RPS6KA5: variants seen among roughly 807,000 people sequenced by gnomAD.
The protein encoded by RPS6KA5 is ribosomal protein S6 kinase A5.
RPS6KA5 carries 27 observed loss-of-function variants against 85.5 expected under a neutral mutation model. That is an observed-to-expected ratio of 0.32 (90% CI 0.23 to 0.44). The LOEUF (loss-of-function observed/expected upper bound fraction) is 0.44, where lower values mean the gene tolerates loss of function less well. Among genes scored for constraint, RPS6KA5 ranks in the 20% least tolerant of loss-of-function variants. RPS6KA5 has a pLI of 1.00. For missense variants in RPS6KA5, 811 were observed against 980.9 expected (o/e 0.83, Z 2.31); for synonymous variants, 334 against 348.2 (o/e 0.96, Z 0.46).
At chr14:90,887,926 C>T (rs898152830) in intron 14 of RPS6KA5, among the ~76,000 whole-genome samples, 6 of 111,022 alleles carry the variant, frequency 5.4e-5, no homozygotes, top group Admixed American at 1.4e-4. Flanking sequence ...CAAGCCTGGG[C>T]GACAGAGGGA....
chr14:90,928,765 A>G (rs2036816628), intron 5 of RPS6KA5, among the ~76,000 whole-genome samples: 1 of 151,144 alleles, frequency 6.6e-6, no homozygotes, highest in African/African-American at 2.4e-5. Context: ...GGAAAAAAAC[A>G]CACTCTGGCA....
intron 14 of RPS6KA5, among the ~76,000 whole-genome samples, chr14:90,877,164 T>C (rs186977334): frequency 1.3e-5 from 2 of 152,248 alleles, no homozygotes; most frequent in East Asian, 3.9e-4. Context: ...TTTTCTGAAA[T>C]AGAAAATTGT....
At chr14:90,916,966 A>G (rs2036151774) in intron 7 of RPS6KA5, among the ~76,000 whole-genome samples, 1 of 152,174 alleles carries the variant, frequency 6.6e-6, no homozygotes, top group Non-Finnish European at 1.5e-5. Context: ...ACTCAGACCT[A>G]CAGTGGAAAG....
At chr14:90,900,086 A>G (rs780633448) in intron 11 of RPS6KA5, 22 bp downstream of exon 11, 1 of 1,554,734 alleles carries the variant, frequency 6.4e-7, no homozygotes. Context: ...AAGAAAGAAT[A>G]TTATATTAAA....
intron 1 of RPS6KA5, among the ~76,000 whole-genome samples, chr14:91,020,572 G>GTGTGTC: frequency 7.2e-6 from 1 of 138,594 alleles, no homozygotes; most frequent in Non-Finnish European, 1.6e-5. Flanking sequence ...GTGTGTGTGT[G>GTGTGTC]TGTGTGTGTG....
In RPS6KA5 at chr14:90,910,746, C is replaced by T. The variant is rs893631181; in HGVS notation, c.807-4447G>A. On this transcript the variant is annotated intron_variant, in intron 7 of 16. Transcript: ENST00000614987. ...TGTCGACCAGGCTGGAGTGCAATGG[C>T]GCGATCTCAGCTCACTGCAAGCTCC... 6.0e-5 allele frequency among the ~76,000 whole-genome samples: 9 copies of T among 150,972 alleles called. No individual in the cohort carries two copies. The South Asian group carries it at 6.3e-4, about 11-fold the overall frequency.
intron 3 of RPS6KA5, 82 bp from the exon 4 acceptor site, chr14:90,947,632 A>G: frequency 1.3e-6 from 1 of 765,084 alleles, no homozygotes; most frequent in Non-Finnish European, 2.2e-6. Context: ...CTTTGGATTC[A>G]CCATAAGGCA....
At chr14:90,880,267 AAAT>A (rs547958379) in intron 14 of RPS6KA5, among the ~76,000 whole-genome samples, 2 of 152,156 alleles carry the variant, frequency 1.3e-5, no homozygotes, top group African/African-American at 2.4e-5. Context: ...TATACCCATT[AAAT>A]AATAACTCCC....
At chr14:90,943,879 G>T (rs2037726238) in intron 4 of RPS6KA5, among the ~76,000 whole-genome samples, 1 of 152,020 alleles carries the variant, frequency 6.6e-6, no homozygotes, top group South Asian at 2.1e-4. Context: ...TTGAGATAGG[G>T]TCTCACTCTG....
chr14:90,887,187 CT>C (rs1311066838), intron 14 of RPS6KA5, among the ~76,000 whole-genome samples: 1 of 151,936 alleles, frequency 6.6e-6, no homozygotes, highest in African/African-American at 2.4e-5. Flanking sequence ...AAAGAAAGGA[CT>C]TTTGTTTTTT....
chr14:90,900,301 T>A, intron 10 of RPS6KA5, 60 bp from the exon 11 acceptor site: 1 of 1,259,032 alleles, frequency 7.9e-7, no homozygotes, highest in East Asian at 2.6e-5. Context: ...AAAGGATCAA[T>A]AAAATTGTAG....
At chr14:90,979,980 A>C (rs1198497481) in intron 2 of RPS6KA5, among the ~76,000 whole-genome samples, 1 of 152,212 alleles carries the variant, frequency 6.6e-6, no homozygotes, top group Non-Finnish European at 1.5e-5. Flanking sequence ...TCTTAATATA[A>C]CCAGTACTGT....
intron 2 of RPS6KA5, among the ~76,000 whole-genome samples, chr14:90,980,025 G>A (rs1270886489): frequency 1.3e-5 from 2 of 152,174 alleles, no homozygotes; most frequent in Admixed American, 1.3e-4. Context: ...CACAGAAAAA[G>A]TTCACAAAGG....
chr14:90,902,951 A>T lies in RPS6KA5; in HGVS notation c.976T>A (p.Leu326Ile). The T allele has an allele frequency of 6.2e-7, 1 of 1,611,946 alleles. No homozygotes were observed. ...GGTGCAGGCACTTTTTTGGCGGCTAAATCATCCCAATTTATTTTCTAAAAC... is the reference window on the plus strand; with the variant it reads ...GGTGCAGGCACTTTTTTGGCGGCTATATCATCCCAATTTATTTTCTAAAAC... The part of the protein sequence containing the change: ...LFFQKINWDD[L>I]AAKKVPAPFK... The change falls in exon 9 of 17, where the codon TTA becomes ATA. Residue 326 changes from leucine to isoleucine, a missense_variant. Coordinates refer to ENST00000614987, the MANE Select transcript of RPS6KA5 (RefSeq NM_004755.4).
intron 1 of RPS6KA5, among the ~76,000 whole-genome samples, chr14:91,051,606 A>G (rs2139947227): frequency 1.4e-5 from 2 of 143,826 alleles, no homozygotes; most frequent in African/African-American, 5.2e-5. Context: ...CTCCTGCCTC[A>G]GCTTCCAAGT....
intron 12 of RPS6KA5, 81 bp downstream of exon 12, chr14:90,899,248 G>A: frequency 1.0e-6 from 1 of 956,450 alleles, no homozygotes; most frequent in Non-Finnish European, 1.6e-6. Flanking sequence ...TGACCCAGCA[G>A]CACCAACAAA....
At chr14:91,047,157 A>G (rs2042909509) in intron 1 of RPS6KA5, among the ~76,000 whole-genome samples, 1 of 152,218 alleles carries the variant, frequency 6.6e-6, no homozygotes, top group South Asian at 2.1e-4. Flanking sequence ...ATTTAATTAT[A>G]TGTTTACCTA....
intron 1 of RPS6KA5, among the ~76,000 whole-genome samples, chr14:91,014,506 A>C (rs1224744139): frequency 6.6e-6 from 1 of 151,664 alleles, no homozygotes; most frequent in East Asian, 1.9e-4. Context: ...CATCTCAAAA[A>C]AAAAAAAAAC....
intron 4 of RPS6KA5, 37 bp from the exon 5 acceptor site, chr14:90,943,222 T>C (rs1365435252): frequency 1.7e-6 from 2 of 1,204,506 alleles, no homozygotes; most frequent in Non-Finnish European, 2.4e-6. Context: ...TAAAATAATT[T>C]ACAAAAAAAT....
Sources: allele counts gnomAD v4.1 joint callset (sites outside exome capture counted in the v4.1 genomes callset), GRCh38; gene constraint gnomAD v4.1.1; transcripts MANE v1.5; gene names NCBI Gene and HGNC (gene_info 2026-07-23, HGNC 2026-07-21).